The following ANK3 variants were observed in gnomAD, a reference collection of about 807,000 sequenced individuals.
The protein encoded by ANK3 is ankyrin-3.
Under a neutral mutation model 370.9 loss-of-function variants are expected in ANK3, and 57 were observed. The ratio of observed to expected loss-of-function variants is 0.15; its 90% CI spans 0.12 to 0.19. ANK3 has a LOEUF of 0.19. Among genes scored for constraint, ANK3 ranks in the 10% least tolerant of loss-of-function variants. ANK3 has a pLI of 1.00. For missense variants in ANK3, 4,439 were observed against 5,302.1 expected, an observed-to-expected ratio of 0.84 and a Z score of 5.06; for synonymous variants, 1,929 against 1,946.3, an observed-to-expected ratio of 0.99 and a Z score of 0.23.
At chr10:60,414,552 G>T (rs1318604541) in intron 2 of ANK3, among the ~76,000 whole-genome samples, 1 of 152,098 alleles carries the variant, frequency 6.6e-6, no homozygotes, top group Non-Finnish European at 1.5e-5. Flanking sequence ...TTTTTTGAGG[G>T]AGATCTCCTT....
intron 1 of ANK3, among the ~76,000 whole-genome samples, chr10:60,676,882 A>C (rs2079132733): frequency 6.6e-6 from 1 of 152,316 alleles, no homozygotes; most frequent in South Asian, 2.1e-4. Context: ...AAACAGCTAA[A>C]AGAGAAGACT....
At chr10:60,272,694 G>A (rs2098016716) in intron 4 of ANK3, among the ~76,000 whole-genome samples, 1 of 151,914 alleles carries the variant, frequency 6.6e-6, no homozygotes, top group Non-Finnish European at 1.5e-5. Context: ...TGGCCAGGAT[G>A]GCCTTGATCT....
intron 1 of ANK3, among the ~76,000 whole-genome samples, chr10:60,337,632 T>C (rs1406721349): frequency 6.6e-6 from 1 of 152,164 alleles, no homozygotes; most frequent in Non-Finnish European, 1.5e-5. Context: ...TTTTATCTCA[T>C]AATTGGCAAG....
intron 5 of ANK3, among the ~76,000 whole-genome samples, chr10:60,265,903 C>T (rs987827357): frequency 4.6e-5 from 7 of 152,116 alleles, no homozygotes; most frequent in African/African-American, 1.4e-4. Flanking sequence ...TGATTATGCA[C>T]GTACAGACTT....
chr10:60,491,636 T>G (rs1222369356), intron 2 of ANK3, among the ~76,000 whole-genome samples: 1 of 152,190 alleles, frequency 6.6e-6, no homozygotes, highest in Non-Finnish European at 1.5e-5. Flanking sequence ...TGAAACACAG[T>G]GCAGTAAAAT....
At chr10:60,246,971 C>T (rs568247903) in intron 7 of ANK3, among the ~76,000 whole-genome samples, 12 of 152,266 alleles carry the variant, frequency 7.9e-5, no homozygotes, top group South Asian at 2.1e-4. Context: ...TCCACCTTTG[C>T]ATGATTAGAT....
chr10:60,104,363 A>AAAAAAAAAAAAAAAAAAAAAAAAAAC (rs2091842802), intron 28 of ANK3, among the ~76,000 whole-genome samples: 1 of 18,780 alleles, frequency 5.3e-5, no homozygotes, highest in Non-Finnish European at 1.2e-4. Flanking sequence ...ATCTCAAAAA[A>AAAAAAAAAAAAAAAAAAAAAAAAAAC]AAAAAAAAAA....
rs551643246 is a variant in ANK3, at chr10:60,075,237, G to T, written c.5644C>A (p.Leu1882Ile). ...TSSPVKSSLF[L>I]APSALKLSTP... ...GACAACTTAAGGGCAGAGGGTGCAAGGAACAAAGATGACTTAACTGGAGAT... is the reference window on the plus strand; with the variant it reads ...GACAACTTAAGGGCAGAGGGTGCAATGAACAAAGATGACTTAACTGGAGAT... Residue 1882 changes from leucine (L) to isoleucine (I), a missense_variant, in exon 37 of 44, where the codon CTT (leucine) becomes ATT (isoleucine). Leu to Ile is a conservative substitution (Grantham distance 5). Coordinates refer to ENST00000280772, the MANE Select transcript of ANK3 (RefSeq NM_020987.5). The T allele has an allele frequency of 1.4e-5, 22 of 1,614,162 alleles. No individual in the cohort carries two copies. The highest frequency in any genetic ancestry group is 1.3e-4 in the South Asian group (12 of 91,076).
At chr10:60,498,704 TA>T (rs2075721574) in intron 2 of ANK3, among the ~76,000 whole-genome samples, 1 of 152,208 alleles carries the variant, frequency 6.6e-6, no homozygotes, top group African/African-American at 2.4e-5. Flanking sequence ...AATATATTTT[TA>T]ATGCACACAC....
chr10:60,085,105 A>T, intron 31 of ANK3, 52 bp downstream of exon 31: 1 of 1,448,564 alleles, frequency 6.9e-7, no homozygotes, highest in Non-Finnish European at 9.5e-7. Flanking sequence ...ACTTTCCAAA[A>T]GGTAATAAAA....
intron 1 of ANK3, among the ~76,000 whole-genome samples, chr10:60,660,057 G>A (rs1211562913): frequency 2.6e-5 from 4 of 152,024 alleles, no homozygotes. Context: ...TATATATGAA[G>A]GTACATAAGT....
Position 60,085,256 on chromosome 10 carries a change from G to A in ANK3, c.3749-3C>T. The A allele has an allele frequency of 6.2e-7, 1 of 1,608,180 alleles. No homozygotes were observed. Among genetic ancestry groups the A allele is most frequent in the Non-Finnish European group, 8.5e-7 (1 of 1,176,536 alleles). ...CCACTGAGCAGGCGAAGTGCCCCCT[G>A]AGAGAACAACAGCAGATATGTTGAC... On this transcript the variant is annotated splice_polypyrimidine_tract_variant and splice_region_variant and intron_variant, in intron 30 of 43. Coordinates refer to ENST00000280772, the MANE Select transcript of ANK3 (RefSeq NM_020987.5).
Position 60,074,359 on chromosome 10 carries a change from C to T in ANK3, c.6522G>A (p.Arg2174=), listed in dbSNP as rs1182968476. 2 of 1,613,948 alleles carry T rather than the reference C, an allele frequency of 1.2e-6. No individual in the cohort carries two copies. Among genetic ancestry groups the T allele is most frequent in the Non-Finnish European group, 1.7e-6 (2 of 1,179,974 alleles). ...CATCCCCAGCTGAGGGATCATAGCT[C>T]CTGATAACATGAACCACTTCAGTTC... The part of the protein sequence containing the change: ...ETRTEVVHVI[R]SYDPSAGDVP... Residue 2174 remains arginine, a synonymous_variant, in exon 37 of 44, where the codon AGG becomes AGA. Coordinates refer to ENST00000280772, the MANE Select transcript of ANK3 (RefSeq NM_020987.5).
chr10:60,401,972 C>T (rs2063360368), intron 2 of ANK3, among the ~76,000 whole-genome samples: 1 of 152,140 alleles, frequency 6.6e-6, no homozygotes, highest in African/African-American at 2.4e-5. Context: ...ATCCCATTCC[C>T]AACTCTACTT....
At chr10:60,451,854 T>C (rs2064612793) in intron 2 of ANK3, among the ~76,000 whole-genome samples, 1 of 152,176 alleles carries the variant, frequency 6.6e-6, no homozygotes, top group Non-Finnish European at 1.5e-5. Flanking sequence ...GAGTGATTTT[T>C]GCCACCACTG....
chr10:60,702,316 G>T (rs2079555693), intron 1 of ANK3, among the ~76,000 whole-genome samples: 1 of 151,700 alleles, frequency 6.6e-6, no homozygotes, highest in Non-Finnish European at 1.5e-5. Flanking sequence ...TACAAAGAGG[G>T]ACTATGCCAA....
intron 2 of ANK3, among the ~76,000 whole-genome samples, chr10:60,488,572 T>C (rs1460073818): frequency 6.6e-6 from 1 of 152,102 alleles, no homozygotes; most frequent in Non-Finnish European, 1.5e-5. Flanking sequence ...TGTTCTCCCC[T>C]TTCTCCCAGC....
At chr10:60,124,713 GAGTGGCACTATTGCCT>G (rs2093669482) in intron 25 of ANK3, among the ~76,000 whole-genome samples, 1 of 152,170 alleles carries the variant, frequency 6.6e-6, no homozygotes, top group South Asian at 2.1e-4. Flanking sequence ...TTGCTTATTA[GAGTGGCACTATTGCCT>G]AGTGGCCAGC....
At chr10:60,490,600 T>G (rs1397301049) in intron 2 of ANK3, among the ~76,000 whole-genome samples, 1 of 152,174 alleles carries the variant, frequency 6.6e-6, no homozygotes, top group Non-Finnish European at 1.5e-5. Flanking sequence ...GTGCACTCAC[T>G]CCCATCCTCT....
Sources: gnomAD v4.1 joint callset for allele counts (sites outside exome capture counted in the v4.1 genomes callset) on GRCh38, gnomAD v4.1.1 for gene constraint, MANE v1.5 for transcripts, NCBI Gene and HGNC (gene_info 2026-07-23, HGNC 2026-07-21) for gene names.